The following DLGAP2 variants were observed in gnomAD, a reference collection of about 807,000 sequenced individuals.
The protein encoded by DLGAP2 is DLG associated protein 2, also known as disks large-associated protein 2.
Under a neutral mutation model 100.3 loss-of-function variants are expected in DLGAP2, and 26 were observed. That is an observed-to-expected ratio of 0.26 (90% CI 0.19 to 0.36). The LOEUF (loss-of-function observed/expected upper bound fraction) is 0.36. Among genes scored for constraint, DLGAP2 ranks in the 10% least tolerant of loss-of-function variants. The probability of loss-of-function intolerance (pLI) is 1.00; values close to 1 mark genes in which losing one functional copy is unlikely to be tolerated. For missense variants in DLGAP2, 1,858 were observed against 1,453.2 expected, an observed-to-expected ratio of 1.28 and a Z score of -4.53; for synonymous variants, 886 against 630.1, an observed-to-expected ratio of 1.41 and a Z score of -6.08.
chr8:1,187,310 CTG>C (rs1797526746), intron 2 of DLGAP2, among the ~76,000 whole-genome samples: 1 of 151,036 alleles, frequency 6.6e-6, no homozygotes, highest in Admixed American at 6.6e-5. Flanking sequence ...CCCGGGACCT[CTG>C]TGACATTTCC....
intron 4 of DLGAP2, among the ~76,000 whole-genome samples, chr8:1,506,599 A>G (rs906817119): frequency 7.3e-5 from 11 of 151,654 alleles, no homozygotes; most frequent in South Asian, 4.2e-4. Flanking sequence ...GCCCAAGACG[A>G]TCTCAGCAGG....
intron 10 of DLGAP2, 126 bp from the exon 11 acceptor site, chr8:1,676,407 A>G (rs1798811795): frequency 2.1e-6 from 2 of 946,242 alleles, no homozygotes; most frequent in African/African-American, 1.6e-5. Flanking sequence ...TACTGGGTCA[A>G]GTGCACCGCT....
At chr8:1,325,546 A>G (rs1236278320) in intron 3 of DLGAP2, among the ~76,000 whole-genome samples, 5 of 152,182 alleles carry the variant, frequency 3.3e-5, no homozygotes, top group Non-Finnish European at 7.3e-5. Flanking sequence ...GCTCAGGCCA[A>G]ATTAAATCTA....
chr8:1,070,306 G>A (rs1803387184), intron 2 of DLGAP2, among the ~76,000 whole-genome samples: 1 of 152,210 alleles, frequency 6.6e-6, no homozygotes, highest in African/African-American at 2.4e-5. Context: ...AGGGACTTAG[G>A]CAGAGAAGAG....
chr8:901,146 G>C (rs1312339916), intron 1 of DLGAP2, among the ~76,000 whole-genome samples: 2 of 152,144 alleles, frequency 1.3e-5, no homozygotes, highest in African/African-American at 2.4e-5. Flanking sequence ...AATTAGCTGG[G>C]CATGATGTTG....
At chr8:849,131 G>A (rs1324183867) in intron 1 of DLGAP2, among the ~76,000 whole-genome samples, 1 of 151,532 alleles carries the variant, frequency 6.6e-6, no homozygotes, top group Non-Finnish European at 1.5e-5. Flanking sequence ...TCTGGTATAG[G>A]ATCATGTGAT....
At chr8:1,310,267 G>T (rs117870514) in intron 3 of DLGAP2, among the ~76,000 whole-genome samples, 11 of 151,804 alleles carry the variant, frequency 7.2e-5, no homozygotes, top group Admixed American at 3.9e-4. Flanking sequence ...AGAAAATGAA[G>T]GACAGAGGCT....
intron 6 of DLGAP2, chr8:1,622,371 G>C (rs1797367002): frequency 6.6e-6 from 1 of 152,232 alleles, no homozygotes; most frequent in African/African-American, 2.4e-5. Context: ...AAGGTAACAA[G>C]GGAGATGGTT....
intron 3 of DLGAP2, among the ~76,000 whole-genome samples, chr8:1,271,350 C>G (rs767963373): frequency 4.6e-5 from 7 of 152,164 alleles, no homozygotes; most frequent in Non-Finnish European, 7.4e-5. Flanking sequence ...AAATTATGCT[C>G]TTTAAGCACA....
intron 2 of DLGAP2, among the ~76,000 whole-genome samples, chr8:1,134,414 C>A (rs1585092317): frequency 2.0e-5 from 3 of 152,272 alleles, no homozygotes; most frequent in Admixed American, 2.0e-4. Context: ...ACCACTCTGT[C>A]TTCCACAATG....
At chr8:1,063,981 C>T (rs1803167876) in intron 2 of DLGAP2, among the ~76,000 whole-genome samples, 1 of 152,164 alleles carries the variant, frequency 6.6e-6, no homozygotes, top group African/African-American at 2.4e-5. Flanking sequence ...CCATGCATGC[C>T]ATTCATACAT....
chr8:921,845 C>T (rs778767746), intron 2 of DLGAP2, among the ~76,000 whole-genome samples: 6 of 152,246 alleles, frequency 3.9e-5, no homozygotes, highest in South Asian at 2.1e-4. Flanking sequence ...CCTCACCCAC[C>T]GCTGGTCTCT....
chr8:1,458,149 A>G (rs1036314259), intron 3 of DLGAP2, among the ~76,000 whole-genome samples: 2 of 150,960 alleles, frequency 1.3e-5, no homozygotes, highest in Non-Finnish European at 3.0e-5. Flanking sequence ...CTCGTGATCC[A>G]CCCGCCTCGG....
chr8:1,351,976 G>A (rs369643904), intron 3 of DLGAP2, among the ~76,000 whole-genome samples: 1 of 70,036 alleles, frequency 1.4e-5, no homozygotes, highest in African/African-American at 4.1e-5. Context: ...GTGTGGAAAC[G>A]CCGTGCGGGT....
chr8:1,405,386 C>T (rs1341402736), intron 3 of DLGAP2, among the ~76,000 whole-genome samples: 4 of 18,474 alleles, frequency 2.2e-4, no homozygotes, highest in Admixed American at 8.7e-4. Context: ...GCCCCCTCCT[C>T]GTCCTCCAGA....
intron 3 of DLGAP2, among the ~76,000 whole-genome samples, chr8:1,412,181 T>C (rs1796750219): frequency 6.6e-6 from 1 of 152,208 alleles, no homozygotes; most frequent in African/African-American, 2.4e-5. Context: ...TGGCTCCCAC[T>C]GCCCTCTGCA....
intron 8 of DLGAP2, among the ~76,000 whole-genome samples, chr8:1,646,057 G>A (rs376848776): frequency 6.6e-6 from 1 of 152,212 alleles, no homozygotes; most frequent in Non-Finnish European, 1.5e-5. Flanking sequence ...GGGCCATGGA[G>A]TGCCCAGATA....
intron 2 of DLGAP2, among the ~76,000 whole-genome samples, chr8:1,179,174 C>T (rs938071144): frequency 2.0e-5 from 3 of 152,246 alleles, no homozygotes; most frequent in Non-Finnish European, 2.9e-5. Flanking sequence ...CCTCAAGTGC[C>T]CAAAGAAAGT....
chr8:808,873 C>A (rs1035538723), intron 1 of DLGAP2, among the ~76,000 whole-genome samples: 1 of 149,768 alleles, frequency 6.7e-6, no homozygotes, highest in Admixed American at 6.6e-5. Flanking sequence ...TACTTAGTAC[C>A]TTTCACATTG....
Sources: gnomAD v4.1 joint callset for allele counts (sites outside exome capture counted in the v4.1 genomes callset) on GRCh38, gnomAD v4.1.1 for gene constraint, MANE v1.5 for transcripts, NCBI Gene and HGNC (gene_info 2026-07-23, HGNC 2026-07-21) for gene names.